The following NRXN1 variants were observed in gnomAD, a reference collection of about 807,000 sequenced individuals.
The protein encoded by NRXN1 is neurexin-1.
A neutral mutation model predicts 150.9 loss-of-function variants in NRXN1; 39 were observed. That is an observed-to-expected ratio of 0.26 (90% CI 0.20 to 0.34). The LOEUF (loss-of-function observed/expected upper bound fraction) is 0.34, where lower values mean the gene tolerates loss of function less well. Ranked by LOEUF, NRXN1 falls within the 10% of genes least tolerant of loss-of-function variation. NRXN1 has a pLI of 1.00. For missense variants in NRXN1, 1,815 were observed against 1,949.9 expected, an observed-to-expected ratio of 0.93 and a Z score of 1.30; for synonymous variants, 924 against 757.0, an observed-to-expected ratio of 1.22 and a Z score of -3.62.
intron 2 of NRXN1, among the ~76,000 whole-genome samples, chr2:50,969,760 G>C (rs563755570): frequency 6.6e-6 from 1 of 152,078 alleles, no homozygotes; most frequent in Non-Finnish European, 1.5e-5. Context: ...GTACTGTAGA[G>C]GCCAAGGAGA....
intron 15 of NRXN1, among the ~76,000 whole-genome samples, chr2:50,486,537 G>T (rs913541302): frequency 5.2e-4 from 79 of 152,276 alleles, no homozygotes; most frequent in African/African-American, 1.8e-3. Flanking sequence ...TTGTGTTAGA[G>T]AAAGAATGGT....
chr2:50,643,792 G>A (rs1203332695), intron 5 of NRXN1, among the ~76,000 whole-genome samples: 1 of 151,704 alleles, frequency 6.6e-6, no homozygotes, highest in Non-Finnish European at 1.5e-5. Flanking sequence ...TTTAATTATA[G>A]TTGTTTCATA....
intron 5 of NRXN1, among the ~76,000 whole-genome samples, chr2:50,760,315 G>T (rs892846171): frequency 2.6e-5 from 4 of 151,802 alleles, no homozygotes; most frequent in African/African-American, 9.7e-5. Context: ...GTATTTTATG[G>T]CACATGGAAA....
intron 5 of NRXN1, chr2:50,917,238 C>G (rs1453554212): frequency 6.6e-6 from 1 of 151,566 alleles, no homozygotes; most frequent in African/African-American, 2.4e-5. Flanking sequence ...TCTGAACAAA[C>G]AGATGACTTA....
intron 2 of NRXN1, among the ~76,000 whole-genome samples, chr2:50,973,606 T>C (rs998153023): frequency 9.2e-5 from 14 of 152,094 alleles, no homozygotes; most frequent in African/African-American, 2.9e-4. Context: ...AGTATATGTA[T>C]ATAGAGTATA....
intron 18 of NRXN1, among the ~76,000 whole-genome samples, chr2:50,158,064 AGTGTGTGTGTGTGT>A (rs71401060): frequency 0.12 from 16,597 of 134,016 alleles, 1,020 homozygotes; most frequent in East Asian, 0.19. Flanking sequence ...TAAGAAGTTG[AGTGTGTGTGTGTGT>A]GTGTGTGTGT....
At chr2:50,771,714 G>C (rs1033517728) in intron 5 of NRXN1, among the ~76,000 whole-genome samples, 1 of 152,142 alleles carries the variant, frequency 6.6e-6, no homozygotes, top group African/African-American at 2.4e-5. Context: ...TATTTAAAAG[G>C]ATGCTACGAG....
intron 5 of NRXN1, among the ~76,000 whole-genome samples, chr2:50,672,638 C>G (rs1689020242): frequency 6.6e-6 from 1 of 151,774 alleles, no homozygotes; most frequent in South Asian, 2.1e-4. Flanking sequence ...CAATATTTTG[C>G]TTAGCAAGGT....
intron 17 of NRXN1, among the ~76,000 whole-genome samples, chr2:50,313,426 T>G (rs77092398): frequency 0.031 from 4,728 of 152,110 alleles, 240 homozygotes; most frequent in African/African-American, 0.11. Flanking sequence ...ACCACAGAAA[T>G]GTGAGGAAAG....
intron 8 of NRXN1, among the ~76,000 whole-genome samples, chr2:50,560,133 C>G (rs542342948): frequency 6.6e-6 from 1 of 152,296 alleles, no homozygotes; most frequent in South Asian, 2.1e-4. Context: ...CACCCAAAAT[C>G]AAGTTTCTTA....
At chr2:50,745,308 C>CA (rs1699890149) in intron 5 of NRXN1, among the ~76,000 whole-genome samples, 1 of 147,902 alleles carries the variant, frequency 6.8e-6, no homozygotes, top group African/African-American at 2.5e-5. Flanking sequence ...TGCCCCCCCC[C>CA]AGGACTGAAA....
In NRXN1 at chr2:50,995,164, A is replaced by G. The variant is rs535510205; in HGVS notation, c.772+32338T>C. Among the ~76,000 whole-genome samples the G allele has an allele frequency of 6.6e-5, 10 of 152,122 alleles. No individual in the cohort carries two copies. In the East Asian group the frequency reaches 2.0e-3, roughly 30 times the overall value. ...GGGCTGAGAAGGGGCCTAAACTGAG[A>G]CATAATGAACTGCCAAGCTGAAAAG... is the stretch of plus-strand genomic sequence containing the variant. On this transcript the variant is annotated intron_variant, in intron 2 of 22. Coordinates refer to ENST00000401669, the MANE Select transcript of NRXN1 (RefSeq NM_001330078.2).
chr2:50,757,355 G>A (rs1421591527), intron 5 of NRXN1, among the ~76,000 whole-genome samples: 13 of 151,672 alleles, frequency 8.6e-5, no homozygotes, highest in Non-Finnish European at 4.4e-5. Flanking sequence ...AGGAAGAAGA[G>A]AGCAAATTGG....
At chr2:49,962,473 T>G (rs537026262) in intron 21 of NRXN1, among the ~76,000 whole-genome samples, 1 of 152,236 alleles carries the variant, frequency 6.6e-6, no homozygotes, top group Non-Finnish European at 1.5e-5. Context: ...TAATATGTAA[T>G]GCCTGAAACT....
intron 17 of NRXN1, among the ~76,000 whole-genome samples, chr2:50,454,066 G>A (rs1165487414): frequency 2.6e-5 from 4 of 152,074 alleles, no homozygotes; most frequent in African/African-American, 4.8e-5. Flanking sequence ...GGTGGCTCAC[G>A]CCTGTAATCC....
intron 18 of NRXN1, among the ~76,000 whole-genome samples, chr2:50,102,793 A>T (rs1017243377): frequency 6.6e-6 from 1 of 152,106 alleles, no homozygotes; most frequent in Non-Finnish European, 1.5e-5. Flanking sequence ...GTACAAAGAC[A>T]GATCCTTTTA....
intron 5 of NRXN1, among the ~76,000 whole-genome samples, chr2:50,712,953 T>C (rs181112149): frequency 1.9e-4 from 29 of 152,320 alleles, no homozygotes; most frequent in Non-Finnish European, 1.5e-5. Flanking sequence ...ATCATTTACA[T>C]ATTTTGTTTC....
At chr2:50,312,481 C>T (rs1575041998) in intron 17 of NRXN1, among the ~76,000 whole-genome samples, 1 of 151,542 alleles carries the variant, frequency 6.6e-6, no homozygotes, top group African/African-American at 2.4e-5. Flanking sequence ...GTTCATAGAA[C>T]CATGATCTAA....
intron 21 of NRXN1, among the ~76,000 whole-genome samples, chr2:49,970,970 C>T (rs1022147760): frequency 2.0e-5 from 3 of 151,986 alleles, no homozygotes; most frequent in Non-Finnish European, 4.4e-5. Context: ...TATTCATTAA[C>T]GCTGTTCAGC....
Sources: allele counts gnomAD v4.1 joint callset (sites outside exome capture counted in the v4.1 genomes callset), GRCh38; gene constraint gnomAD v4.1.1; transcripts MANE v1.5; gene names NCBI Gene and HGNC (gene_info 2026-07-23, HGNC 2026-07-21).